The following CTNNA2 variants were observed in gnomAD, a reference collection of about 807,000 sequenced individuals.
The protein encoded by CTNNA2 is catenin alpha 2, also known as catenin alpha-2.
CTNNA2 carries 42 observed loss-of-function variants against 101.0 expected under a neutral mutation model. The ratio of observed to expected loss-of-function variants is 0.42; its 90% CI spans 0.32 to 0.54. The LOEUF is 0.54. Among genes scored for constraint, CTNNA2 ranks in the 20% least tolerant of loss-of-function variants. The pLI is 0.14. For synonymous variants in CTNNA2, 450 were observed against 456.4 expected (o/e 0.99, Z 0.18); for missense variants, 871 against 1,223.1 (o/e 0.71, Z 4.29).
intron 7 of CTNNA2, among the ~76,000 whole-genome samples, chr2:80,239,602 A>G (rs959088417): frequency 2.0e-5 from 3 of 152,190 alleles, no homozygotes; most frequent in African/African-American, 7.2e-5. Context: ...ATGAACAACA[A>G]TAACTAATAA....
At chr2:80,555,352 T>A (rs1245699144) in intron 11 of CTNNA2, among the ~76,000 whole-genome samples, 1 of 152,178 alleles carries the variant, frequency 6.6e-6, no homozygotes, top group African/African-American at 2.4e-5. Context: ...ATTCTTTAAG[T>A]CAGTGGTCCT....
chr2:79,338,245 C>CAAAAAA (rs59474388), intron 3 of CTNNA2, among the ~76,000 whole-genome samples: 2 of 109,240 alleles, frequency 1.8e-5, no homozygotes, highest in African/African-American at 3.6e-5. Context: ...GACTCCATCT[C>CAAAAAA]AAAAAAAAAA....
intron 1 of CTNNA2, among the ~76,000 whole-genome samples, chr2:79,550,855 T>C (rs62141454): frequency 0.051 from 7,693 of 152,210 alleles, 256 homozygotes; most frequent in Non-Finnish European, 0.071. Context: ...AGAGTTGCAG[T>C]TGGGACTCAG....
chr2:80,150,177 A>C (rs1157063042), intron 7 of CTNNA2, among the ~76,000 whole-genome samples: 1 of 152,040 alleles, frequency 6.6e-6, no homozygotes, highest in Admixed American at 6.6e-5. Context: ...TGGTGCTTTC[A>C]TTTGGATTTT....
exon 5 of CTNNA2, chr2:79,505,159 C>T (rs1279275206): frequency 6.6e-6 from 1 of 152,482 alleles, no homozygotes; most frequent in Admixed American, 6.5e-5. Context: ...TGATGGCACT[C>T]CCAGCAGCAC....
intron 9 of CTNNA2, among the ~76,000 whole-genome samples, chr2:80,527,558 C>G (rs949761279): frequency 4.6e-5 from 7 of 152,114 alleles, no homozygotes; most frequent in African/African-American, 1.7e-4. Flanking sequence ...CTTTTAGAAA[C>G]AGGAATTGTC....
intron 4 of CTNNA2, among the ~76,000 whole-genome samples, chr2:79,448,205 C>A (rs1442273234): frequency 1.3e-5 from 2 of 151,994 alleles, no homozygotes; most frequent in African/African-American, 4.8e-5. Context: ...CTATTCTAAA[C>A]CTTATCACAG....
At chr2:79,609,018 TAAG>T in intron 1 of CTNNA2, among the ~76,000 whole-genome samples, 1 of 152,016 alleles carries the variant, frequency 6.6e-6, no homozygotes, top group East Asian at 1.9e-4. Context: ...ACTAGAATAA[TAAG>T]TGACTTTTGC....
At chr2:80,262,159 C>A (rs1224702941) in intron 7 of CTNNA2, among the ~76,000 whole-genome samples, 3 of 151,924 alleles carry the variant, frequency 2.0e-5, no homozygotes, top group African/African-American at 7.3e-5. Flanking sequence ...CATTTTGGTG[C>A]CTGTTCATAT....
intron 9 of CTNNA2, among the ~76,000 whole-genome samples, chr2:80,514,316 G>A (rs1396398694): frequency 1.3e-5 from 2 of 152,082 alleles, no homozygotes; most frequent in Non-Finnish European, 2.9e-5. Flanking sequence ...ACCCAGGTTG[G>A]GTGCCTGCGA....
intron 2 of CTNNA2, among the ~76,000 whole-genome samples, chr2:79,736,201 AACAT>A (rs1558883569): frequency 6.6e-6 from 1 of 152,190 alleles, no homozygotes; most frequent in African/African-American, 2.4e-5. Flanking sequence ...TACAACATAC[AACAT>A]ACATATATCT....
chr2:79,241,859 A>T (rs1674629106), intron 2 of CTNNA2, among the ~76,000 whole-genome samples: 1 of 151,882 alleles, frequency 6.6e-6, no homozygotes, highest in Admixed American at 6.6e-5. Flanking sequence ...ACACCTATAA[A>T]AACAGCATCG....
chr2:79,317,779 A>G (rs1217049542), intron 3 of CTNNA2, among the ~76,000 whole-genome samples: 1 of 152,118 alleles, frequency 6.6e-6, no homozygotes, highest in African/African-American at 2.4e-5. Context: ...TTAAATTTTG[A>G]CAAATATTTT....
intron 7 of CTNNA2, among the ~76,000 whole-genome samples, chr2:80,188,944 CTTTTTTTT>C (rs34090029): frequency 2.7e-5 from 2 of 74,686 alleles, no homozygotes; most frequent in Non-Finnish European, 4.7e-5. Flanking sequence ...CAGGTGGTCA[CTTTTTTTT>C]TTTTTTTTTT....
At chr2:79,381,936 A>G (rs970383690) in intron 4 of CTNNA2, among the ~76,000 whole-genome samples, 1 of 152,210 alleles carries the variant, frequency 6.6e-6, no homozygotes, top group Non-Finnish European at 1.5e-5. Context: ...TGCTAATTTA[A>G]TGTGTCAACT....
chr2:79,302,327 G>T lies in CTNNA2; in HGVS notation c.-405-10382G>T, dbSNP rs146819792. 2.2e-3 allele frequency among the ~76,000 whole-genome samples: 327 copies of T among 152,036 alleles called. 3 individuals carry two copies. Among genetic ancestry groups the T allele is most frequent in the African/African-American group, 6.8e-3 (283 of 41,478 alleles). ...ACTGGGAAGCATCCCTGCTCCTTTT[G>T]CTTGGAGTGGCCATTTGCCTTTCTC... is the stretch of plus-strand genomic sequence containing the variant. On this transcript the variant is annotated intron_variant, in intron 2 of 21. Coordinates refer to the CTNNA2 transcript ENST00000466387.
At chr2:79,750,837 A>G (rs1573871367) in intron 3 of CTNNA2, among the ~76,000 whole-genome samples, 1 of 150,986 alleles carries the variant, frequency 6.6e-6, no homozygotes, top group Admixed American at 6.6e-5. Flanking sequence ...TTGCCACTGC[A>G]CTCCAGCCTG....
intron 4 of CTNNA2, among the ~76,000 whole-genome samples, chr2:79,427,391 T>C (rs1425922911): frequency 6.6e-6 from 1 of 151,970 alleles, no homozygotes; most frequent in Admixed American, 6.6e-5. Context: ...TTCAAAGGCT[T>C]GTAATATGTT....
chr2:79,907,350 CAT>C (rs10568455), intron 6 of CTNNA2, among the ~76,000 whole-genome samples: 21,634 of 151,872 alleles, frequency 0.14, 1,773 homozygotes, highest in African/African-American at 0.23. Flanking sequence ...CACACACACA[CAT>C]ACATATATAC....
Sources: allele counts gnomAD v4.1 joint callset (sites outside exome capture counted in the v4.1 genomes callset), GRCh38; gene constraint gnomAD v4.1.1; transcripts MANE v1.5; gene names NCBI Gene and HGNC (gene_info 2026-07-23, HGNC 2026-07-21).